BMP7: variants seen among roughly 807,000 people sequenced by gnomAD.
BMP7 encodes the protein osteogenic protein 1.
In BMP7, 12 loss-of-function variants were observed where a neutral mutation model predicts 41.2. That is an observed-to-expected ratio of 0.29 (90% CI 0.19 to 0.47). BMP7 has a LOEUF of 0.47. Ranked by LOEUF, BMP7 falls within the 20% of genes least tolerant of loss-of-function variation. The pLI is 0.99. For missense variants in BMP7, 467 were observed against 606.0 expected, an observed-to-expected ratio of 0.77 and a Z score of 2.41; for synonymous variants, 248 against 250.0, an observed-to-expected ratio of 0.99 and a Z score of 0.07.
In BMP7 at chr20:57,202,504, C is replaced by T. The variant is rs758218504; in HGVS notation, c.731G>A (p.Gly244Asp). The change falls in exon 3 of 7, where the codon GGC becomes GAC. Residue 244 changes from glycine to aspartate, a missense_variant. Physicochemically the swap from Gly to Asp is moderately conservative, Grantham distance 94. Transcript: ENST00000395863. Reference protein sequence around the residue: ...HWVVNPRHNLGLQLSVETLDG... With the variant: ...HWVVNPRHNLDLQLSVETLDG... The stretch of plus-strand genomic sequence containing the variant: ...CAGCGTCTCCACCGAGAGCTGCAGG[C>T]CCAGGTTGTGCCGCGGATTGACCAC... 6.2e-7 allele frequency: 1 copy of T among 1,608,248 alleles called. No homozygotes were observed. Among genetic ancestry groups the T allele is most frequent in the African/African-American group, 1.3e-5 (1 of 74,836 alleles).
chr20:57,265,756 C>G lies in BMP7; in HGVS notation c.367G>C (p.Asp123His), dbSNP rs781124338. 6.2e-7 allele frequency: 1 copy of G among 1,611,094 alleles called. No homozygotes were observed. The highest frequency in any genetic ancestry group is 8.5e-7 in the Non-Finnish European group (1 of 1,178,812). ...TCGGCGTCGGTGAGGAAATGGCTAT[C>G]TTGCAGGCTGGCCAGAGGGGGGCCC... ...TQGPPLASLQ[D>H]SHFLTDADMV... The change falls in exon 1 of 7, where the codon GAT becomes CAT. Residue 123 changes from aspartate to histidine, a missense_variant. Around this residue, in one of 2 missense-constraint regions of BMP7, gnomAD observed 407 missense variants for 485.9 expected, o/e 0.84. Coordinates refer to ENST00000395863, the MANE Select transcript of BMP7 (RefSeq NM_001719.3).
At chr20:57,249,906 A>G (rs958041999) in intron 1 of BMP7, among the ~76,000 whole-genome samples, 2 of 152,096 alleles carry the variant, frequency 1.3e-5, no homozygotes, top group African/African-American at 4.8e-5. Flanking sequence ...TAGTGTCCTG[A>G]GCCTTGAGCC....
intron 3 of BMP7, among the ~76,000 whole-genome samples, chr20:57,199,648 A>C (rs1984577479): frequency 1.3e-5 from 2 of 152,166 alleles, no homozygotes; most frequent in Non-Finnish European, 2.9e-5. Flanking sequence ...CGGTAGGGAA[A>C]ACAAAGCATT....
intron 1 of BMP7, among the ~76,000 whole-genome samples, chr20:57,245,539 G>T (rs1026308579): frequency 2.0e-5 from 3 of 150,922 alleles, no homozygotes; most frequent in African/African-American, 7.3e-5. Context: ...ATTACATTTT[G>T]TATCCTATAT....
intron 1 of BMP7, among the ~76,000 whole-genome samples, chr20:57,243,363 C>T (rs2066077438): frequency 6.6e-6 from 1 of 151,990 alleles, no homozygotes; most frequent in African/African-American, 2.4e-5. Context: ...CCTGTTCTCC[C>T]AGCTACTCAG....
At chr20:57,222,146 G>A (rs1012926944) in intron 2 of BMP7, among the ~76,000 whole-genome samples, 17 of 152,190 alleles carry the variant, frequency 1.1e-4, no homozygotes, top group Non-Finnish European at 2.1e-4. Flanking sequence ...GGGGAATCAG[G>A]GAAAATGTGG....
chr20:57,232,868 C>T (rs1447654336), intron 1 of BMP7, among the ~76,000 whole-genome samples: 2 of 143,638 alleles, frequency 1.4e-5, no homozygotes, highest in Non-Finnish European at 3.1e-5. Context: ...CACACACACA[C>T]ACACACACAC....
At chr20:57,201,203 A>T (rs1267034674) in intron 3 of BMP7, among the ~76,000 whole-genome samples, 1 of 152,218 alleles carries the variant, frequency 6.6e-6, no homozygotes, top group Non-Finnish European at 1.5e-5. Flanking sequence ...AACTCTTCCC[A>T]TAATAACCCA....
intron 3 of BMP7, among the ~76,000 whole-genome samples, chr20:57,194,816 G>A (rs1382329861): frequency 1.3e-5 from 2 of 152,230 alleles, no homozygotes; most frequent in Non-Finnish European, 2.9e-5. Flanking sequence ...ATGCTAGGGA[G>A]TACAGAGATG....
chr20:57,245,905 T>C (rs2066088998), intron 1 of BMP7, among the ~76,000 whole-genome samples: 1 of 152,228 alleles, frequency 6.6e-6, no homozygotes, highest in East Asian at 1.9e-4. Context: ...CCCAAAGTGC[T>C]GGGATTACAG....
At chr20:57,216,961 A>T (rs1276921794) in intron 2 of BMP7, among the ~76,000 whole-genome samples, 3 of 152,172 alleles carry the variant, frequency 2.0e-5, no homozygotes, top group African/African-American at 7.2e-5. Context: ...ATGCTGGGGA[A>T]GCTGGAGGAT....
intron 2 of BMP7, among the ~76,000 whole-genome samples, chr20:57,204,218 G>A (rs1055899380): frequency 1.3e-5 from 2 of 152,196 alleles, no homozygotes; most frequent in African/African-American, 4.8e-5. Flanking sequence ...CAGGAGCCGA[G>A]CCACTCATGT....
At chr20:57,223,766 G>A (rs1985245571) in intron 2 of BMP7, among the ~76,000 whole-genome samples, 1 of 152,226 alleles carries the variant, frequency 6.6e-6, no homozygotes, top group Non-Finnish European at 1.5e-5. Flanking sequence ...GTGGAGACAT[G>A]CTCTGGAACG....
chr20:57,197,617 G>A (rs963752562), intron 3 of BMP7, among the ~76,000 whole-genome samples: 2 of 152,182 alleles, frequency 1.3e-5, no homozygotes, highest in African/African-American at 4.8e-5. Context: ...TAAAATGTTG[G>A]TGATATCAAT....
chr20:57,257,824 CAAAA>C (rs139904463), intron 1 of BMP7, among the ~76,000 whole-genome samples: 1 of 103,248 alleles, frequency 9.7e-6, no homozygotes, highest in Non-Finnish European at 2.0e-5. Flanking sequence ...CACAAGCCAC[CAAAA>C]AAAAAAAAAA....
At chr20:57,187,342 G>A (rs769538435) in intron 3 of BMP7, among the ~76,000 whole-genome samples, 7 of 152,260 alleles carry the variant, frequency 4.6e-5, no homozygotes, top group South Asian at 2.1e-4. Flanking sequence ...ATAGCCAACC[G>A]GATTTTCATT....
Position 57,228,114 on chromosome 20 carries a change from A to T in BMP7, c.611+115T>A. 1 of 1,167,842 alleles carries T rather than the reference A, an allele frequency of 8.6e-7. No homozygotes were observed. 72.3% of individuals were successfully genotyped at this position (1,167,842 alleles called of 1,614,324 possible). On this transcript the variant is annotated intron_variant, in intron 2 of 6. Transcript: ENST00000395863. This position sits in a 1 kb window ranked among gnomAD's most constrained non-coding sequence, Gnocchi z 4.5. Reference sequence around the variant, plus strand: ...CCTTCTTTAGAAGGGATAATCTGGTACAGGGCCTGGCACGTGGTTGTGCCA... The same window carrying T: ...CCTTCTTTAGAAGGGATAATCTGGTTCAGGGCCTGGCACGTGGTTGTGCCA...
rs1983848470 is a variant in BMP7, at chr20:57,173,169, T to A, written c.1146+31A>T. On this transcript the variant is annotated intron_variant, in intron 6 of 6. Coordinates refer to ENST00000395863, the MANE Select transcript of BMP7 (RefSeq NM_001719.3). Reference sequence around the variant, plus strand: ...GGCCCCGCAGCCTGCCCGGCCCAGGTGACCACACCCCAAGATGGCGTGACA... The same window carrying A: ...GGCCCCGCAGCCTGCCCGGCCCAGGAGACCACACCCCAAGATGGCGTGACA... 1.9e-6 allele frequency: 3 copies of A among 1,603,890 alleles called. No homozygotes were observed. In the South Asian group the frequency reaches 3.3e-5, roughly 18 times the overall value.
In BMP7 at chr20:57,259,946, G is replaced by A. The variant is rs539818940; in HGVS notation, c.418+5759C>T. ...TTTTGTCAATTATTATTTGTCAGATGCCATTTGCTGCAAAACCCGGAATTC... is the reference window on the plus strand; with the variant it reads ...TTTTGTCAATTATTATTTGTCAGATACCATTTGCTGCAAAACCCGGAATTC... On this transcript the variant is annotated intron_variant, in intron 1 of 6. Transcript: ENST00000395863. This position sits in a 1 kb window ranked among gnomAD's most constrained non-coding sequence, Gnocchi z 4.7. Among the ~76,000 whole-genome samples, 1 of 152,130 alleles carries A rather than the reference G, an allele frequency of 6.6e-6. No individual in the cohort carries two copies. Among genetic ancestry groups the A allele is most frequent in the South Asian group, 2.1e-4 (1 of 4,810 alleles).
Sources: gnomAD v4.1 joint callset for allele counts (sites outside exome capture counted in the v4.1 genomes callset) on GRCh38, gnomAD v4.1.1 for gene constraint, gnomAD v4.1.1 regional missense constraint, Gnocchi (gnomAD v3.1) non-coding constraint, MANE v1.5 for transcripts, NCBI Gene and HGNC (gene_info 2026-07-23, HGNC 2026-07-21) for gene names.